The following C9 variants were observed in gnomAD, a reference collection of about 807,000 sequenced individuals.
C9 encodes complement C9.
Under a neutral mutation model 65.4 loss-of-function variants are expected in C9, and 63 were observed. The observed-to-expected ratio is 0.96, with a 90% CI of 0.79 to 1.19. The LOEUF (loss-of-function observed/expected upper bound fraction) is 1.19, where lower values mean the gene tolerates loss of function less well. C9 is among the 50% of genes most tolerant of loss of function. The probability of loss-of-function intolerance (pLI) is 0.00; values close to 1 mark genes in which losing one functional copy is unlikely to be tolerated. For missense variants in C9, 744 were observed against 670.1 expected (o/e 1.11, Z -1.22); for synonymous variants, 229 against 227.9 (o/e 1.00, Z -0.04).
rs115275120 is a variant in C9 at position 39,323,617 on chromosome 5, G to A, written c.616-7588C>T. Reference sequence around the variant, plus strand: ...GAAAAAGCAGTCAATAAAATTCAACGTCATTTAAAGATTAGAAAAACTCTC... The same window carrying A: ...GAAAAAGCAGTCAATAAAATTCAACATCATTTAAAGATTAGAAAAACTCTC... On this transcript the variant is annotated intron_variant, in intron 5 of 10. Transcript: ENST00000263408. Among the ~76,000 whole-genome samples the A allele has an allele frequency of 5.0e-3, 753 of 151,102 alleles. 6 individuals carry two copies. The highest frequency in any genetic ancestry group is 0.016 in the African/African-American group (677 of 41,186).
chr5:39,303,504 A>G (rs1253898266), intron 9 of C9, among the ~76,000 whole-genome samples: 1 of 149,204 alleles, frequency 6.7e-6, no homozygotes, highest in African/African-American at 2.4e-5. Context: ...GATTTTATAA[A>G]CTATATTATT....
intron 9 of C9, among the ~76,000 whole-genome samples, chr5:39,300,470 C>A (rs971766920): frequency 6.6e-6 from 1 of 151,622 alleles, no homozygotes; most frequent in East Asian, 1.9e-4. Flanking sequence ...GAACAAAGAT[C>A]ATCACATTTG....
chr5:39,333,740 T>TCA (rs1372037981), intron 4 of C9, among the ~76,000 whole-genome samples: 2 of 152,140 alleles, frequency 1.3e-5, no homozygotes, highest in African/African-American at 4.8e-5. Context: ...GCCTGCCGAG[T>TCA]GCCTGCGATT....
At chr5:39,335,996 G>C (rs531038388) in intron 4 of C9, among the ~76,000 whole-genome samples, 1 of 152,076 alleles carries the variant, frequency 6.6e-6, no homozygotes, top group Non-Finnish European at 1.5e-5. Context: ...CATTTTTAGC[G>C]TGACATCTAA....
intron 6 of C9, among the ~76,000 whole-genome samples, chr5:39,313,325 T>G (rs1317822846): frequency 1.3e-5 from 2 of 152,196 alleles, no homozygotes; most frequent in East Asian, 1.9e-4. Flanking sequence ...AAAATGTCTC[T>G]TATCAAGGTC....
chr5:39,319,529 A>G (rs758117147), intron 5 of C9, among the ~76,000 whole-genome samples: 1 of 152,090 alleles, frequency 6.6e-6, no homozygotes, highest in South Asian at 2.1e-4. Context: ...CAGCACCCGT[A>G]CACCTCAGCT....
chr5:39,292,417 T>C (rs1753113744), intron 9 of C9, among the ~76,000 whole-genome samples: 1 of 120,412 alleles, frequency 8.3e-6, no homozygotes, highest in Non-Finnish European at 1.7e-5. Flanking sequence ...AAAAAAATAC[T>C]TTTTTTTTCA....
chr5:39,345,681 C>T (rs1034027934), intron 1 of C9, among the ~76,000 whole-genome samples: 3 of 152,220 alleles, frequency 2.0e-5, no homozygotes, highest in African/African-American at 7.2e-5. Flanking sequence ...ACCTAATAGA[C>T]ATCTACAGAA....
At chr5:39,287,930 A>G (rs984732390) in intron 10 of C9, among the ~76,000 whole-genome samples, 2 of 151,954 alleles carry the variant, frequency 1.3e-5, no homozygotes, top group African/African-American at 4.8e-5. Context: ...ATCATTATGC[A>G]ATATATCCTT....
At position 39,291,298 on chromosome 5, in the gene C9, ATTAG is replaced by A. The variant is rs1442977774; in HGVS notation, c.1417-2351_1417-2348del. ...CAAATATTAGAATACAAATTAGTGAATTAGTTAAATAGCAAATGTGATAAAACTG... is the reference window on the plus strand; with the variant it reads ...CAAATATTAGAATACAAATTAGTGAATTAAATAGCAAATGTGATAAAACTG... On this transcript the variant is annotated intron_variant, in intron 9 of 10. Transcript: ENST00000263408. Among the ~76,000 whole-genome samples the A allele has an allele frequency of 2.6e-5, 4 of 151,978 alleles. No individual in the cohort carries two copies. The East Asian group carries it at 7.7e-4, about 29-fold the overall frequency.
At chr5:39,308,475 A>G in intron 7 of C9, 117 bp from the exon 8 acceptor site, 1 of 752,408 alleles carries the variant, frequency 1.3e-6, no homozygotes. Context: ...ACCATGACTA[A>G]ATTCAAATGT....
chr5:39,342,043 A>G, intron 2 of C9, 48 bp downstream of exon 2: 2 of 1,039,962 alleles, frequency 1.9e-6, no homozygotes, highest in Non-Finnish European at 1.5e-6. Context: ...GGCTAGCAAT[A>G]CAGTTTCCAT....
chr5:39,331,531 C>A (rs960310356), intron 5 of C9, 145 bp downstream of exon 5: 1 of 743,644 alleles, frequency 1.3e-6, no homozygotes, highest in African/African-American at 1.7e-5. Context: ...CTAAAGAGAT[C>A]CAAACTACAT....
chr5:39,293,943 G>A (rs894458286), intron 9 of C9, among the ~76,000 whole-genome samples: 8 of 151,966 alleles, frequency 5.3e-5, no homozygotes, highest in Admixed American at 1.3e-4. Flanking sequence ...TAAACAATAT[G>A]CTCCTGAATG....
chr5:39,326,249 T>G (rs79374628), intron 5 of C9, among the ~76,000 whole-genome samples: 2,342 of 152,334 alleles, frequency 0.015, 57 homozygotes, highest in East Asian at 0.07. Flanking sequence ...AGGTGGTAAG[T>G]GGAGGAAGTT....
intron 1 of C9, among the ~76,000 whole-genome samples, chr5:39,358,141 C>T (rs1032268613): frequency 6.6e-6 from 1 of 152,156 alleles, no homozygotes; most frequent in African/African-American, 2.4e-5. Flanking sequence ...CAGCTGAGCC[C>T]AGGCAACCCC....
At chr5:39,296,754 A>G (rs1167147816) in intron 9 of C9, among the ~76,000 whole-genome samples, 1 of 151,626 alleles carries the variant, frequency 6.6e-6, no homozygotes, top group East Asian at 1.9e-4. Flanking sequence ...ATTAAGCCAT[A>G]AAAAAGAACA....
At chr5:39,305,237 T>C (rs1346106131) in intron 9 of C9, among the ~76,000 whole-genome samples, 2 of 152,150 alleles carry the variant, frequency 1.3e-5, no homozygotes, top group African/African-American at 4.8e-5. Flanking sequence ...TTTTTCCCCC[T>C]TTTTGTCCTA....
At chr5:39,285,700 C>T (rs374716841) in intron 10 of C9, among the ~76,000 whole-genome samples, 5 of 143,990 alleles carry the variant, frequency 3.5e-5, no homozygotes, top group African/African-American at 7.6e-5. Context: ...TGTTTTGTTT[C>T]TTTTTTTTTT....
Sources: allele counts gnomAD v4.1 joint callset (sites outside exome capture counted in the v4.1 genomes callset), GRCh38; gene constraint gnomAD v4.1.1; transcripts MANE v1.5; gene names NCBI Gene and HGNC (gene_info 2026-07-23, HGNC 2026-07-21).